Variants in FHIT observed in about 807,000 individuals in gnomAD.
FHIT encodes bis(5'-adenosyl)-triphosphatase.
A neutral mutation model predicts 17.9 loss-of-function variants in FHIT; 19 were observed. That is an observed-to-expected ratio of 1.06 (90% CI 0.74 to 1.56). The LOEUF (loss-of-function observed/expected upper bound fraction) is 1.56. FHIT is among the 40% of genes most tolerant of loss of function. The probability of loss-of-function intolerance (pLI) is 0.00; values close to 1 mark genes in which losing one functional copy is unlikely to be tolerated. For missense variants in FHIT, 248 were observed against 189.2 expected (o/e 1.31, Z -1.82); for synonymous variants, 81 against 69.7 (o/e 1.16, Z -0.81).
At chr3:60,579,616 T>C (rs2037689126) in intron 4 of FHIT, among the ~76,000 whole-genome samples, 2 of 152,180 alleles carry the variant, frequency 1.3e-5, no homozygotes. Flanking sequence ...TACCTATATA[T>C]ACACACACAT....
chr3:60,990,362 C>T (rs2030076599), intron 3 of FHIT, among the ~76,000 whole-genome samples: 1 of 152,160 alleles, frequency 6.6e-6, no homozygotes, highest in East Asian at 1.9e-4. Flanking sequence ...CTAAAGATAT[C>T]CATGTCAACC....
At chr3:60,270,617 TTAAA>T (rs1706813044) in intron 5 of FHIT, among the ~76,000 whole-genome samples, 1 of 152,126 alleles carries the variant, frequency 6.6e-6, no homozygotes, top group African/African-American at 2.4e-5. Context: ...ATGACCCCTA[TTAAA>T]AGCCAAATGG....
intron 8 of FHIT, among the ~76,000 whole-genome samples, chr3:59,792,880 G>A (rs892288964): frequency 6.8e-6 from 1 of 146,684 alleles, no homozygotes; most frequent in South Asian, 2.3e-4. Flanking sequence ...TTTGGGGGGG[G>A]GGGTCATGAA....
At chr3:60,134,476 C>T (rs1330764689) in intron 5 of FHIT, among the ~76,000 whole-genome samples, 3 of 152,130 alleles carry the variant, frequency 2.0e-5, no homozygotes, top group Non-Finnish European at 4.4e-5. Flanking sequence ...GGCGTGGGGC[C>T]CACAGGCCTT....
chr3:61,064,485 T>A (rs986603151), intron 2 of FHIT, among the ~76,000 whole-genome samples: 3 of 152,210 alleles, frequency 2.0e-5, no homozygotes, highest in Non-Finnish European at 2.9e-5. Flanking sequence ...TAGGAAACAG[T>A]AAATCTCCTT....
chr3:60,584,314 T>C (rs1274284889), intron 4 of FHIT, among the ~76,000 whole-genome samples: 1 of 151,984 alleles, frequency 6.6e-6, no homozygotes, highest in Non-Finnish European at 1.5e-5. Context: ...CTGAGAGCAA[T>C]TGTTAAACAT....
intron 8 of FHIT, among the ~76,000 whole-genome samples, chr3:59,801,259 A>T (rs1699982446): frequency 6.6e-6 from 1 of 151,892 alleles, no homozygotes; most frequent in Admixed American, 6.5e-5. Context: ...ATGCACATAA[A>T]ACTGTCTGAA....
At chr3:60,156,827 G>T (rs1340954545) in intron 5 of FHIT, among the ~76,000 whole-genome samples, 1 of 152,200 alleles carries the variant, frequency 6.6e-6, no homozygotes, top group Non-Finnish European at 1.5e-5. Context: ...TCAACGTTTT[G>T]ATCTAATGTA....
intron 7 of FHIT, among the ~76,000 whole-genome samples, chr3:59,985,858 G>T (rs980080067): frequency 6.6e-5 from 10 of 151,936 alleles, no homozygotes; most frequent in Admixed American, 3.3e-4. Context: ...TGGCCTTCCA[G>T]AACTGGGTAC....
intron 5 of FHIT, among the ~76,000 whole-genome samples, chr3:60,377,317 A>C (rs539632889): frequency 3.2e-4 from 48 of 150,546 alleles, no homozygotes; most frequent in African/African-American, 9.1e-4. Context: ...ACGCACCAAC[A>C]CGCCCAGCTA....
chr3:61,183,325 A>C (rs181975566), intron 2 of FHIT, among the ~76,000 whole-genome samples: 31 of 152,328 alleles, frequency 2.0e-4, no homozygotes, highest in African/African-American at 7.2e-4. Flanking sequence ...CAAGTGAATG[A>C]ATGAATGAAA....
chr3:60,580,891 G>T (rs2037729103), intron 4 of FHIT, among the ~76,000 whole-genome samples: 1 of 152,066 alleles, frequency 6.6e-6, no homozygotes, highest in Admixed American at 6.6e-5. Context: ...TAGCAATTTT[G>T]TCCTGTACTT....
At position 60,393,387 on chromosome 3, in the gene FHIT, G is replaced by A. The variant is rs547166894; in HGVS notation, c.103+143473C>T. Among the ~76,000 whole-genome samples, 9 of 149,398 alleles carry A rather than the reference G, an allele frequency of 6.0e-5. No homozygotes were observed. The South Asian group carries it at 1.9e-3, about 31-fold the overall frequency. On this transcript the variant is annotated intron_variant, in intron 5 of 9. Coordinates refer to ENST00000492590, the MANE Select transcript of FHIT (RefSeq NM_002012.4). Reference sequence around the variant, plus strand: ...TAATTGAAAAAATATATATATTTTTGTAAAATTATTTATAATGTTACATAT... The same window carrying A: ...TAATTGAAAAAATATATATATTTTTATAAAATTATTTATAATGTTACATAT...
chr3:60,703,359 G>T (rs372196139), intron 4 of FHIT, among the ~76,000 whole-genome samples: 2 of 152,176 alleles, frequency 1.3e-5, no homozygotes, highest in Admixed American at 1.3e-4. Flanking sequence ...GTTATTTTAA[G>T]CCACTCATTA....
intron 2 of FHIT, among the ~76,000 whole-genome samples, chr3:61,042,424 T>G (rs1029979395): frequency 1.1e-4 from 17 of 152,034 alleles, no homozygotes; most frequent in Admixed American, 2.0e-4. Flanking sequence ...CGGAGGTAAG[T>G]TGGGGTATAA....
At chr3:60,860,458 G>GT (rs1343440754) in intron 3 of FHIT, among the ~76,000 whole-genome samples, 13 of 118,266 alleles carry the variant, frequency 1.1e-4, no homozygotes, top group African/African-American at 3.2e-4. Flanking sequence ...TGATACATAT[G>GT]TACATATATA....
intron 5 of FHIT, among the ~76,000 whole-genome samples, chr3:60,482,195 A>G (rs937901038): frequency 6.6e-6 from 1 of 152,198 alleles, no homozygotes; most frequent in African/African-American, 2.4e-5. Context: ...ACAGACCTAC[A>G]AAGAGACTTA....
rs912836839 is a variant in FHIT, at chr3:60,222,778, G to A, written c.104-208626C>T. Among the ~76,000 whole-genome samples the A allele has an allele frequency of 2.4e-4, 37 of 152,308 alleles. 1 individual carries two copies. The highest frequency in any genetic ancestry group is 8.4e-4 in the African/African-American group (35 of 41,580). ...TGCTATGGTGTGGTGGCACACGCCT[G>A]TAATCCCAGCTACTCAGGAGGCTGA... is the stretch of plus-strand genomic sequence containing the variant. On this transcript the variant is annotated intron_variant, in intron 5 of 9. Coordinates refer to ENST00000492590, the MANE Select transcript of FHIT (RefSeq NM_002012.4).
At chr3:60,712,840 A>G (rs1172166944) in intron 4 of FHIT, among the ~76,000 whole-genome samples, 310 of 144,776 alleles carry the variant, frequency 2.1e-3, no homozygotes, top group African/African-American at 7.3e-3. Context: ...AGACTTTAAC[A>G]CCCCACTGTC....
Sources: gnomAD v4.1 joint callset for allele counts (sites outside exome capture counted in the v4.1 genomes callset) on GRCh38, gnomAD v4.1.1 for gene constraint, MANE v1.5 for transcripts, NCBI Gene and HGNC (gene_info 2026-07-23, HGNC 2026-07-21) for gene names.